Variants in ABCC2 observed in about 807,000 individuals in gnomAD.
ABCC2 encodes ATP binding cassette subfamily C member 2.
In ABCC2, 157 loss-of-function variants were observed where a neutral mutation model predicts 173.4. The ratio of observed to expected loss-of-function variants is 0.91; its 90% CI spans 0.80 to 1.03. The LOEUF is 1.03. Among genes scored for constraint, ABCC2 ranks in the 50% least tolerant of loss-of-function variants. The probability of loss-of-function intolerance (pLI) is 0.00; values close to 1 mark genes in which losing one functional copy is unlikely to be tolerated. For missense variants in ABCC2, 1,822 were observed against 1,852.3 expected (o/e 0.98, Z 0.30); for synonymous variants, 657 against 693.5 (o/e 0.95, Z 0.83).
intron 11 of ABCC2, among the ~76,000 whole-genome samples, chr10:99,806,422 A>G (rs2756112): frequency 0.95 from 145,391 of 152,244 alleles, 69,446 homozygotes; most frequent in East Asian, 1. Context: ...TGAGGCTGGG[A>G]GCCTACTTCA....
intron 7 of ABCC2, 168 bp downstream of exon 7, chr10:99,797,499 A>G (rs1182823315): frequency 5.9e-6 from 4 of 674,696 alleles, no homozygotes; most frequent in East Asian, 2.8e-5. Flanking sequence ...TGATGGATAC[A>G]TGGCGTGTAA....
intron 25 of ABCC2, 84 bp downstream of exon 25, chr10:99,836,374 C>G (rs573119529): frequency 1.7e-4 from 240 of 1,393,236 alleles, no homozygotes; most frequent in Admixed American, 8.6e-4. Flanking sequence ...GCAGGCATGG[C>G]TAGTGGTGTG....
intron 14 of ABCC2, among the ~76,000 whole-genome samples, chr10:99,810,459 A>G (rs532844970): frequency 6.6e-6 from 1 of 152,362 alleles, no homozygotes; most frequent in African/African-American, 2.4e-5. Flanking sequence ...GGAATCCTGC[A>G]AAAGATCCAG....
intron 7 of ABCC2, chr10:99,798,189 C>T (rs1397621726): frequency 6.6e-6 from 1 of 152,190 alleles, no homozygotes; most frequent in Non-Finnish European, 1.5e-5. Flanking sequence ...GGGCGGCTCC[C>T]CAGAGGATGG....
At chr10:99,828,388 G>A (rs1439072606) in intron 19 of ABCC2, among the ~76,000 whole-genome samples, 1 of 152,144 alleles carries the variant, frequency 6.6e-6, no homozygotes, top group Non-Finnish European at 1.5e-5. Flanking sequence ...GATTGGTTCT[G>A]TGTATGAGTT....
intron 19 of ABCC2, 124 bp from the exon 20 acceptor site, chr10:99,830,183 C>T: frequency 9.3e-7 from 1 of 1,073,952 alleles, no homozygotes; most frequent in East Asian, 2.4e-5. Flanking sequence ...GTATTCCATG[C>T]TGTATGTACA....
chr10:99,838,306 G>C (rs1590187468), intron 25 of ABCC2, among the ~76,000 whole-genome samples: 4 of 60,402 alleles, frequency 6.6e-5, no homozygotes, highest in Admixed American at 5.1e-4. Flanking sequence ...CCTCCCGGAC[G>C]GGGCGGCTGG....
chr10:99,845,881 T>C, intron 29 of ABCC2, 99 bp downstream of exon 29: 4 of 1,304,526 alleles, frequency 3.1e-6, no homozygotes, highest in East Asian at 2.5e-5. Flanking sequence ...GTCAGCACTG[T>C]CAATTCCACG....
chr10:99,796,379 C>A (rs1486860472), intron 6 of ABCC2, among the ~76,000 whole-genome samples: 1 of 152,126 alleles, frequency 6.6e-6, no homozygotes, highest in African/African-American at 2.4e-5. Context: ...TGGTGTGTGC[C>A]TGTAATTCCA....
intron 17 of ABCC2, among the ~76,000 whole-genome samples, chr10:99,817,711 T>C (rs759877868): frequency 8.5e-5 from 13 of 152,262 alleles, no homozygotes; most frequent in Non-Finnish European, 1.5e-4. Flanking sequence ...AATTATGTAA[T>C]TTAAATCAAA....
chr10:99,799,858 C>T (rs1050150566), intron 8 of ABCC2, among the ~76,000 whole-genome samples: 1 of 152,210 alleles, frequency 6.6e-6, no homozygotes, highest in African/African-American at 2.4e-5. Context: ...TCCATTCTCA[C>T]AGCCATGGGT....
intron 15 of ABCC2, among the ~76,000 whole-genome samples, 160 bp downstream of exon 15, chr10:99,811,762 G>A (rs931547349): frequency 2.6e-5 from 4 of 152,176 alleles, no homozygotes; most frequent in African/African-American, 4.8e-5. Context: ...TGAGCTGAAA[G>A]CAAAGGTTCT....
chr10:99,793,921 C>A lies in ABCC2; in HGVS notation c.498C>A (p.Cys166Ter), dbSNP rs1174674397. 1 of 1,613,940 alleles carries A rather than the reference C, an allele frequency of 6.2e-7. No individual in the cohort carries two copies. Among genetic ancestry groups the A allele is most frequent in the Non-Finnish European group, 8.5e-7 (1 of 1,179,894 alleles). ...ACAATTCTAATCTAGCCTACTCCTG[C>A]CTGTTCTTCATCTCCTACGGATTCC... ...QGDNSNLAYS[C>*]LFFISYGFQI... The change falls in exon 5 of 32, where the codon TGC becomes TGA. Residue 166 changes from cysteine (C) to a stop codon, truncating the protein, a stop_gained. Coordinates refer to ENST00000647814, the MANE Select transcript of ABCC2 (RefSeq NM_000392.5). LOFTEE classifies it high-confidence loss of function.
chr10:99,835,172 G>A (rs1200505627), intron 24 of ABCC2, among the ~76,000 whole-genome samples: 1 of 152,202 alleles, frequency 6.6e-6, no homozygotes, highest in East Asian at 1.9e-4. Context: ...GGTCCCACCA[G>A]CTGCTTTTGT....
chr10:99,844,511 A>C, intron 28 of ABCC2, 46 bp downstream of exon 28: 3 of 1,606,442 alleles, frequency 1.9e-6, no homozygotes, highest in Non-Finnish European at 2.5e-6. Flanking sequence ...TTGTGATCAA[A>C]CAACAATTGG....
At chr10:99,821,356 C>T (rs149429686) in intron 19 of ABCC2, among the ~76,000 whole-genome samples, 4,518 of 152,036 alleles carry the variant, frequency 0.03, 211 homozygotes, top group African/African-American at 0.093. Flanking sequence ...GCCTTCCTCT[C>T]ATACTAATCC....
chr10:99,814,521 A>G (rs1309374063), intron 16 of ABCC2, among the ~76,000 whole-genome samples: 1 of 71,286 alleles, frequency 1.4e-5, no homozygotes, highest in Non-Finnish European at 3.1e-5. Flanking sequence ...GTGTATATAT[A>G]CATATATATA....
intron 30 of ABCC2, among the ~76,000 whole-genome samples, 160 bp from the exon 31 acceptor site, chr10:99,850,442 C>T (rs1013876273): frequency 6.6e-6 from 1 of 152,212 alleles, no homozygotes; most frequent in Non-Finnish European, 1.5e-5. Flanking sequence ...ACGATGCTCA[C>T]AGCAGCAAGG....
In ABCC2 at chr10:99,852,051, G is replaced by C; in HGVS notation, c.*420G>C. ...ATATTATATCTGAGATTCATCCATGGTGATGCAAATAGGTGCATTATTTTT... is the reference window on the plus strand; with the variant it reads ...ATATTATATCTGAGATTCATCCATGCTGATGCAAATAGGTGCATTATTTTT... On this transcript the variant is annotated 3_prime_UTR_variant, in exon 32 of 32. Transcript: ENST00000647814. 5.8e-6 allele frequency: 1 copy of C among 173,366 alleles called. No individual in the cohort carries two copies. The highest frequency in any genetic ancestry group is 1.2e-5 in the Non-Finnish European group (1 of 80,822). 10.7% of individuals were successfully genotyped at this position (173,366 alleles called of 1,614,324 possible).
Sources: allele counts gnomAD v4.1 joint callset (sites outside exome capture counted in the v4.1 genomes callset), GRCh38; gene constraint gnomAD v4.1.1; transcripts MANE v1.5; gene names NCBI Gene and HGNC (gene_info 2026-07-23, HGNC 2026-07-21).